The following CECR2 variants were observed in gnomAD, a reference collection of about 807,000 sequenced individuals.
The protein encoded by CECR2 is CECR2 histone acetyl-lysine reader.
CECR2 carries 30 observed loss-of-function variants against 154.5 expected under a neutral mutation model. The ratio of observed to expected loss-of-function variants is 0.19; its 90% CI spans 0.15 to 0.26. The LOEUF is 0.26. Among genes scored for constraint, CECR2 ranks in the 10% least tolerant of loss-of-function variants. The probability of loss-of-function intolerance (pLI) is 1.00; values close to 1 mark genes in which losing one functional copy is unlikely to be tolerated. For synonymous variants in CECR2, 725 were observed against 683.7 expected, an observed-to-expected ratio of 1.06 and a Z score of -0.94; for missense variants, 1,743 against 1,829.3, an observed-to-expected ratio of 0.95 and a Z score of 0.86.
intron 1 of CECR2, among the ~76,000 whole-genome samples, chr22:17,401,444 G>A (rs1257587572): frequency 6.6e-6 from 1 of 152,126 alleles, no homozygotes; most frequent in Non-Finnish European, 1.5e-5. Context: ...TGATATCCTT[G>A]TGTCCCTTTG....
intron 8 of CECR2, among the ~76,000 whole-genome samples, chr22:17,520,377 T>A (rs187637705): frequency 2.0e-4 from 30 of 152,264 alleles, no homozygotes; most frequent in African/African-American, 7.2e-4. Context: ...CAATGAAATC[T>A]TCCCTTTGAC....
chr22:17,499,178 G>A (rs934630190), intron 3 of CECR2, among the ~76,000 whole-genome samples: 5 of 151,468 alleles, frequency 3.3e-5, no homozygotes, highest in African/African-American at 1.2e-4. Context: ...TTTAGTAGAG[G>A]TGGGGTTTCA....
At chr22:17,439,550 AT>A (rs199685087) in intron 1 of CECR2, among the ~76,000 whole-genome samples, 5,037 of 152,270 alleles carry the variant, frequency 0.033, 125 homozygotes, top group South Asian at 0.13. Flanking sequence ...ACAAAAAAAA[AT>A]ATCTGAAAAG....
intron 7 of CECR2, among the ~76,000 whole-genome samples, chr22:17,511,581 A>G (rs568230032): frequency 1.3e-5 from 2 of 151,884 alleles, no homozygotes; most frequent in African/African-American, 4.8e-5. Flanking sequence ...TACATATTAT[A>G]AAAGACACTT....
Position 17,468,752 on chromosome 22 carries a change from T to C in CECR2, c.127-8836T>C, listed in dbSNP as rs9605303. Among the ~76,000 whole-genome samples, 1,417 of 152,300 alleles carry C rather than the reference T, an allele frequency of 9.3e-3. 17 individuals carry two copies. Among genetic ancestry groups the C allele is most frequent in the Middle Eastern group, 0.014 (4 of 294 alleles). On this transcript the variant is annotated intron_variant, in intron 1 of 18. Coordinates refer to ENST00000262608, the MANE Select transcript of CECR2 (RefSeq NM_001290047.2). The stretch of plus-strand genomic sequence containing the variant: ...GAATTATATTTCATGTATTTAAAAT[T>C]GGATATGTAACCGTCTTAGTCCATA...
chr22:17,511,851 T>C lies in CECR2; in HGVS notation c.909T>C (p.Pro303=), dbSNP rs780640836. The change falls in exon 8 of 19, where the codon CCT becomes CCC. Residue 303 remains proline (P), a synonymous_variant. Transcript: ENST00000262608. ...RPQRTKAELH[P]RWMSDHLSIK... ...AGCGCACAAAGGCAGAGTTGCATCC[T>C]AGGTGGATGTCTGACCACCTGTCCA... The C allele has an allele frequency of 5.0e-6, 8 of 1,611,860 alleles. No homozygotes were observed. Among genetic ancestry groups the C allele is most frequent in the Middle Eastern group, 1.6e-4 (1 of 6,070 alleles).
At chr22:17,360,338 T>C (rs969146211) in intron 1 of CECR2, among the ~76,000 whole-genome samples, 3 of 152,222 alleles carry the variant, frequency 2.0e-5, no homozygotes, top group Admixed American at 2.0e-4. Flanking sequence ...GAATAACCAC[T>C]GTACTCCAGC....
intron 1 of CECR2, among the ~76,000 whole-genome samples, chr22:17,413,683 T>C (rs1449443247): frequency 2.0e-5 from 3 of 151,484 alleles, no homozygotes; most frequent in Non-Finnish European, 2.9e-5. Context: ...ATTATTATTA[T>C]TATTATTTTT....
At chr22:17,528,708 G>A (rs1904485827) in intron 9 of CECR2, among the ~76,000 whole-genome samples, 3 of 151,948 alleles carry the variant, frequency 2.0e-5, no homozygotes, top group African/African-American at 7.3e-5. Flanking sequence ...GCTAATTTTT[G>A]TATTTTTAGT....
intron 12 of CECR2, 104 bp from the exon 13 acceptor site, chr22:17,538,889 C>T: frequency 7.1e-7 from 1 of 1,411,082 alleles, no homozygotes; most frequent in Non-Finnish European, 9.7e-7. Context: ...TTATTCATTA[C>T]AGATCAGCAT....
At chr22:17,408,774 A>G (rs964531077) in intron 1 of CECR2, among the ~76,000 whole-genome samples, 4 of 152,208 alleles carry the variant, frequency 2.6e-5, no homozygotes, top group African/African-American at 9.6e-5. Flanking sequence ...ATTACCTTGT[A>G]TTCATGAAAC....
intron 1 of CECR2, among the ~76,000 whole-genome samples, chr22:17,404,173 C>A (rs2053939277): frequency 6.7e-6 from 1 of 149,738 alleles, no homozygotes; most frequent in East Asian, 2.0e-4. Flanking sequence ...GCAGAAGAAT[C>A]TCTTGAACCC....
chr22:17,454,942 G>A (rs866555009), intron 1 of CECR2, among the ~76,000 whole-genome samples: 62 of 152,228 alleles, frequency 4.1e-4, no homozygotes, highest in African/African-American at 1.3e-3. Flanking sequence ...AGAGTACACC[G>A]AACAAAGGAG....
At chr22:17,486,256 A>G (rs2055418448) in intron 2 of CECR2, among the ~76,000 whole-genome samples, 1 of 152,276 alleles carries the variant, frequency 6.6e-6, no homozygotes, top group Non-Finnish European at 1.5e-5. Flanking sequence ...AAGCGAAGGC[A>G]AAACAAAACT....
rs118076389 is a variant in CECR2, at chr22:17,374,297, A to G, written c.126+4388A>G. On this transcript the variant is annotated intron_variant, in intron 1 of 18. Transcript: ENST00000262608. ...CTAATCAGCATGAGATCTAGGGGCA[A>G]TATTCAGATTCTTGAATTCCACCCT... Among the ~76,000 whole-genome samples the G allele has an allele frequency of 0.013, 1,904 of 152,276 alleles. 143 individuals are homozygous for G. In the East Asian group the frequency reaches 0.22, roughly 17 times the overall value.
intron 16 of CECR2, 75 bp downstream of exon 16, chr22:17,543,078 A>AGATTACACTTGGTTTG: frequency 1.4e-6 from 2 of 1,425,654 alleles, no homozygotes; most frequent in Non-Finnish European, 9.4e-7. Context: ...ATATCAAACC[A>AGATTACACTTGGTTTG]AGTGTAATCT....
chr22:17,482,267 A>G (rs913629802), intron 2 of CECR2, among the ~76,000 whole-genome samples: 44 of 151,364 alleles, frequency 2.9e-4, no homozygotes, highest in African/African-American at 1.0e-3. Flanking sequence ...TACTAAAAAT[A>G]CAAAAAATTA....
At chr22:17,502,978 A>T in intron 5 of CECR2, 104 bp from the exon 6 acceptor site, 2 of 947,724 alleles carry the variant, frequency 2.1e-6, no homozygotes, top group Non-Finnish European at 3.3e-6. Context: ...ACACACATAC[A>T]CTCTCTTTGT....
At chr22:17,535,024 G>A (rs1807535) in intron 9 of CECR2, among the ~76,000 whole-genome samples, 7,159 of 151,538 alleles carry the variant, frequency 0.047, 389 homozygotes, top group African/African-American at 0.13. Flanking sequence ...GGTGGCGGGT[G>A]CCTGTAGTCC....
Sources: allele counts gnomAD v4.1 joint callset (sites outside exome capture counted in the v4.1 genomes callset), GRCh38; gene constraint gnomAD v4.1.1; transcripts MANE v1.5; gene names NCBI Gene and HGNC (gene_info 2026-07-23, HGNC 2026-07-21).